METTL8: variants seen among roughly 807,000 people sequenced by gnomAD.
METTL8 encodes methyltransferase 8, tRNA N3-cytidine, also known as tRNA N(3)-cytidine methyltransferase METTL8, mitochondrial.
A neutral mutation model predicts 48.7 loss-of-function variants in METTL8; 32 were observed. That is an observed-to-expected ratio of 0.66 (90% CI 0.50 to 0.88). The LOEUF (loss-of-function observed/expected upper bound fraction) is 0.88, where lower values mean the gene tolerates loss of function less well. Ranked by LOEUF, METTL8 falls within the 40% of genes least tolerant of loss-of-function variation. The probability of loss-of-function intolerance (pLI) is 0.00; values close to 1 mark genes in which losing one functional copy is unlikely to be tolerated. For missense variants in METTL8, 464 were observed against 474.4 expected (o/e 0.98, Z 0.20); for synonymous variants, 136 against 157.1 (o/e 0.87, Z 1.01).
chr2:171,335,338 GTTGGCATTATA>G (rs372437636), intron 5 of METTL8, among the ~76,000 whole-genome samples: 1 of 152,300 alleles, frequency 6.6e-6, no homozygotes, highest in African/African-American at 2.4e-5. Flanking sequence ...GTATCATGAT[GTTGGCATTATA>G]TTGGTAATTG....
chr2:171,357,692 TTC>T lies in METTL8; in HGVS notation c.235+2728_235+2729del, dbSNP rs756111930. Among the ~76,000 whole-genome samples, 638 of 151,924 alleles carry T rather than the reference TTC, an allele frequency of 4.2e-3. 1 individual carries two copies. Among genetic ancestry groups the T allele is most frequent in the Non-Finnish European group, 7.3e-3 (494 of 67,940 alleles). On this transcript the variant is annotated intron_variant, in intron 3 of 9. Transcript: ENST00000375258. ...AATAGAGCACAAAATCCTGAAATTT[TTC>T]TCTCTCTTTTTTTTTTTTGAGACAG...
chr2:171,384,910 G>T (rs369992971), intron 2 of METTL8, among the ~76,000 whole-genome samples: 12 of 151,942 alleles, frequency 7.9e-5, no homozygotes, highest in African/African-American at 2.9e-4. Context: ...CAAATACCCA[G>T]AATCTGGAAG....
chr2:171,334,394 T>C (rs996637130), intron 5 of METTL8, among the ~76,000 whole-genome samples: 11 of 152,162 alleles, frequency 7.2e-5, no homozygotes, highest in African/African-American at 2.4e-4. Flanking sequence ...CTGACTACCT[T>C]GGCTCTTCTC....
chr2:171,342,615 TAA>T (rs35778397), intron 3 of METTL8, among the ~76,000 whole-genome samples: 3 of 147,594 alleles, frequency 2.0e-5, no homozygotes, highest in East Asian at 3.9e-4. Flanking sequence ...TCCTTTACCT[TAA>T]AAAAAAAAAA....
intron 1 of METTL8, among the ~76,000 whole-genome samples, chr2:171,410,455 TA>T (rs1399380836): frequency 6.6e-6 from 1 of 152,092 alleles, no homozygotes; most frequent in Non-Finnish European, 1.5e-5. Flanking sequence ...ACAAAACACA[TA>T]AAACCTGTCA....
rs553694390 is a variant in METTL8 at position 171,391,255 on chromosome 2, T to C, written c.143+788A>G. Among the ~76,000 whole-genome samples the C allele has an allele frequency of 8.7e-4, 133 of 152,360 alleles. No individual in the cohort carries two copies. In the Middle Eastern group the frequency reaches 0.01, roughly 12 times the overall value. On this transcript the variant is annotated intron_variant, in intron 2 of 9. Transcript: ENST00000375258. Reference sequence around the variant, plus strand: ...TTGTACACTGTTTTCTTAGACATAATGCTATTGTACACTTAAGAGACTACA... The same window carrying C: ...TTGTACACTGTTTTCTTAGACATAACGCTATTGTACACTTAAGAGACTACA...
intron 7 of METTL8, chr2:171,326,360 T>C (rs764125141): frequency 7.0e-4 from 341 of 484,488 alleles, no homozygotes; most frequent in Non-Finnish European, 9.4e-4. Flanking sequence ...AGTCCTAGAG[T>C]ATCAAGAAAT....
At chr2:171,415,856 C>T (rs1470022491) in intron 1 of METTL8, among the ~76,000 whole-genome samples, 1 of 152,038 alleles carries the variant, frequency 6.6e-6, no homozygotes, top group Non-Finnish European at 1.5e-5. Context: ...GGGTAAATGT[C>T]CAGAGAAGAG....
intron 1 of METTL8, among the ~76,000 whole-genome samples, chr2:171,393,407 C>CAAAAAAAA (rs10629650): frequency 1.4e-4 from 15 of 104,182 alleles, no homozygotes; most frequent in African/African-American, 1.9e-4. Context: ...TATAAAAAAG[C>CAAAAAAAA]AAAAAAAAAA....
chr2:171,365,626 T>C lies in METTL8; in HGVS notation c.144-5113A>G, dbSNP rs147937810. On this transcript the variant is annotated intron_variant, in intron 2 of 9. Coordinates refer to ENST00000375258, the MANE Select transcript of METTL8 (RefSeq NM_001321154.2). ...GGCTGGTTTCTCCAACACAAAGTCATATTTATTACATAGTTACAAACAAAC... is the reference window on the plus strand; with the variant it reads ...GGCTGGTTTCTCCAACACAAAGTCACATTTATTACATAGTTACAAACAAAC... Among the ~76,000 whole-genome samples, 12 of 152,304 alleles carry C rather than the reference T, an allele frequency of 7.9e-5. No individual in the cohort carries two copies. The East Asian group carries it at 2.3e-3, about 29-fold the overall frequency.
chr2:171,349,338 G>A (rs920296284), intron 3 of METTL8, among the ~76,000 whole-genome samples: 14 of 151,980 alleles, frequency 9.2e-5, no homozygotes, highest in South Asian at 4.1e-4. Context: ...CCCATTTCCC[G>A]AGCCCTTGGC....
intron 3 of METTL8, among the ~76,000 whole-genome samples, chr2:171,360,058 T>G (rs1423868647): frequency 1.3e-5 from 2 of 152,250 alleles, no homozygotes; most frequent in Non-Finnish European, 1.5e-5. Flanking sequence ...TGACTTTATC[T>G]TCTTTGCTCA....
chr2:171,350,490 A>G (rs1054894554), intron 3 of METTL8, among the ~76,000 whole-genome samples: 80 of 152,274 alleles, frequency 5.3e-4, no homozygotes, highest in African/African-American at 1.9e-3. Flanking sequence ...TAATGGGATG[A>G]CTGGGTCAAA....
rs1324275822 is a variant in METTL8, at chr2:171,339,266, T to A, written c.524A>T (p.Asn175Ile). The A allele has an allele frequency of 6.2e-7, 1 of 1,612,260 alleles. No homozygotes were observed. Among genetic ancestry groups the A allele is most frequent in the Non-Finnish European group, 8.5e-7 (1 of 1,179,022 alleles). The change falls in exon 4 of 10, where the codon AAC (asparagine) becomes ATC (isoleucine). Residue 175 changes from asparagine to isoleucine, a missense_variant. Asn to Ile is a moderately radical substitution (Grantham distance 149). Transcript: ENST00000375258. ...GQSKTESDFS[N>I]LDSEKHKKGP... ...TTTTTTGTGTTTTTCAGAGTCTAGG[T>A]TGGAAAAATCAGATTCTGTTTTGCT...
chr2:171,352,742 T>C (rs1221368146), intron 3 of METTL8, among the ~76,000 whole-genome samples: 1 of 152,244 alleles, frequency 6.6e-6, no homozygotes, highest in East Asian at 1.9e-4. Context: ...CTAGATTTTC[T>C]AGTTTATTTG....
At chr2:171,434,202 C>G, upstream of METTL8, 3 of 401,326 alleles carry the variant, frequency 7.5e-6, no homozygotes, top group South Asian at 3.5e-5. Flanking sequence ...CTCCCCGCCG[C>G]CTGACGGGAA....
At position 171,417,426 on chromosome 2, in the gene METTL8, A is replaced by G. The variant is rs549056654; in HGVS notation, c.-13+16457T>C. 2.0e-4 allele frequency among the ~76,000 whole-genome samples: 30 copies of G among 152,372 alleles called. No homozygotes were observed. The South Asian group carries it at 6.2e-3, about 32-fold the overall frequency. On this transcript the variant is annotated intron_variant, in intron 1 of 9. Transcript: ENST00000375258. ...ATAATAAATAGATTCAAACAATTAT[A>G]TAAGGTTTGCTTTGTGCTAGGCACT... is the stretch of plus-strand genomic sequence containing the variant.
At chr2:171,339,052 G>A (rs941096471) in intron 4 of METTL8, 132 bp downstream of exon 4, 1 of 659,468 alleles carries the variant, frequency 1.5e-6, no homozygotes, top group Non-Finnish European at 2.3e-6. Context: ...TTTATGCACA[G>A]AAGTACACTG....
At chr2:171,353,465 C>T (rs1684179994) in intron 3 of METTL8, among the ~76,000 whole-genome samples, 1 of 152,186 alleles carries the variant, frequency 6.6e-6, no homozygotes, top group Non-Finnish European at 1.5e-5. Flanking sequence ...GTGGAGAGTT[C>T]TGTAGATGTC....
Sources: allele counts gnomAD v4.1 joint callset (sites outside exome capture counted in the v4.1 genomes callset), GRCh38; gene constraint gnomAD v4.1.1; transcripts MANE v1.5; gene names NCBI Gene and HGNC (gene_info 2026-07-23, HGNC 2026-07-21).